The following TANC1 variants were observed in gnomAD, a reference collection of about 807,000 sequenced individuals.
TANC1 encodes tetratricopeptide repeat, ankyrin repeat and coiled-coil containing 1, also known as protein TANC1.
In TANC1, 77 loss-of-function variants were observed where a neutral mutation model predicts 149.7. The ratio of observed to expected loss-of-function variants is 0.51; its 90% CI spans 0.43 to 0.62. The LOEUF is 0.62. TANC1 is among the 20% of genes least tolerant of loss of function. The probability of loss-of-function intolerance (pLI) is 0.00; values close to 1 mark genes in which losing one functional copy is unlikely to be tolerated. For synonymous variants in TANC1, 854 were observed against 925.0 expected (o/e 0.92, Z 1.39); for missense variants, 1,985 against 2,321.8 (o/e 0.85, Z 2.98).
chr2:159,150,793 A>G (rs372493381), intron 7 of TANC1: 4 of 416,828 alleles, frequency 9.6e-6, no homozygotes, highest in Non-Finnish European at 1.7e-5. Context: ...AAAAAAAAAA[A>G]GGAATTCCAG....
At chr2:159,020,852 G>A (rs1371987341) in intron 2 of TANC1, among the ~76,000 whole-genome samples, 2 of 151,938 alleles carry the variant, frequency 1.3e-5, no homozygotes, top group African/African-American at 2.4e-5. Flanking sequence ...CACACCTGTG[G>A]TGTGGGGCAG....
At chr2:159,151,764 C>T (rs946983878) in intron 7 of TANC1, among the ~76,000 whole-genome samples, 5 of 152,144 alleles carry the variant, frequency 3.3e-5, no homozygotes, top group African/African-American at 1.2e-4. Context: ...TTAAGGAAGG[C>T]GGCTTCTTGC....
At chr2:159,225,277 G>A in intron 23 of TANC1, 1 of 253,572 alleles carries the variant, frequency 3.9e-6, no homozygotes. Flanking sequence ...GGGTAGGAGA[G>A]AGAAGCCATG....
chr2:159,178,562 A>T lies in TANC1; in HGVS notation c.1909A>T (p.Ile637Leu), dbSNP rs772366751. 6 of 1,562,412 alleles carry T rather than the reference A, an allele frequency of 3.8e-6. No homozygotes were observed. Among genetic ancestry groups the T allele is most frequent in the Non-Finnish European group, 5.2e-6 (6 of 1,156,336 alleles). ...VTVRANFQEI[I>L]SALPFVKLSL... ...TTTTTGTTTTCTCCCCCAGGAAATC[A>T]TAAGTGCGCTGCCATTTGTCAAGCT... The change falls in exon 14 of 27, where the codon ATA becomes TTA. Residue 637 changes from isoleucine to leucine, a missense_variant. By Grantham distance (5) the Ile-to-Leu change is conservative. Coordinates refer to ENST00000263635, the MANE Select transcript of TANC1 (RefSeq NM_033394.3).
rs557357250 is a variant in TANC1 at position 159,111,754 on chromosome 2, C to G, written c.259+13920C>G. Among the ~76,000 whole-genome samples the G allele has an allele frequency of 3.3e-5, 5 of 152,292 alleles. No individual in the cohort carries two copies. The South Asian group carries it at 1.0e-3, about 32-fold the overall frequency. On this transcript the variant is annotated intron_variant, in intron 4 of 26. Coordinates refer to ENST00000263635, the MANE Select transcript of TANC1 (RefSeq NM_033394.3). The stretch of plus-strand genomic sequence containing the variant: ...AAGTGAGGTCATTGTGCCCTGGTCA[C>G]AACTGCACCATGATGCCAGATGGAG...
intron 2 of TANC1, among the ~76,000 whole-genome samples, chr2:159,011,555 A>T (rs946049227): frequency 2.2e-5 from 3 of 136,174 alleles, no homozygotes; most frequent in Non-Finnish European, 3.1e-5. Flanking sequence ...TTTTTTGCCA[A>T]GACAAGGTCT....
At position 158,991,339 on chromosome 2, in the gene TANC1, C is replaced by T. The variant is rs569255015; in HGVS notation, c.-125-9741C>T. Reference sequence around the variant, plus strand: ...TCTGATTAAGTAAATTTTGGTACATCCATACGATAGAGTGGAATGCAGATG... The same window carrying T: ...TCTGATTAAGTAAATTTTGGTACATTCATACGATAGAGTGGAATGCAGATG... On this transcript the variant is annotated intron_variant, in intron 1 of 26. Coordinates refer to ENST00000263635, the MANE Select transcript of TANC1 (RefSeq NM_033394.3). Among the ~76,000 whole-genome samples the T allele has an allele frequency of 5.9e-5, 9 of 152,092 alleles. No individual in the cohort carries two copies. In the South Asian group the frequency reaches 1.9e-3, roughly 32 times the overall value.
At chr2:159,086,906 A>AT (rs950247326) in intron 3 of TANC1, among the ~76,000 whole-genome samples, 256 of 136,260 alleles carry the variant, frequency 1.9e-3, no homozygotes, top group Middle Eastern at 0.011. Flanking sequence ...TGGTAAACTG[A>AT]TTTTTTTTTT....
intron 5 of TANC1, chr2:159,148,584 G>A (rs913726497): frequency 6.6e-6 from 1 of 152,232 alleles, no homozygotes; most frequent in African/African-American, 2.4e-5. Context: ...GATTCTTCAC[G>A]ATTGACCGTC....
At position 159,176,523 on chromosome 2, in the gene TANC1, C is replaced by G; in HGVS notation, c.1902+5C>G. 1 of 1,583,440 alleles carries G rather than the reference C, an allele frequency of 6.3e-7. No individual in the cohort carries two copies. The highest frequency in any genetic ancestry group is 1.4e-5 in the African/African-American group (1 of 73,382). ...ACTGTAAGAGCAAATTTTCAGGTAA[C>G]AAAGAATTCTCAAATCTTTCTCCAA... On this transcript the variant is annotated splice_donor_5th_base_variant and intron_variant, in intron 13 of 26. Coordinates refer to ENST00000263635, the MANE Select transcript of TANC1 (RefSeq NM_033394.3).
intron 19 of TANC1, among the ~76,000 whole-genome samples, chr2:159,199,623 A>G (rs2058103355): frequency 6.6e-6 from 1 of 152,234 alleles, no homozygotes; most frequent in Admixed American, 6.5e-5. Context: ...TGAGCTGGTT[A>G]CTTGTGAGAC....
chr2:158,981,593 G>C (rs1156788346), intron 1 of TANC1, among the ~76,000 whole-genome samples: 1 of 140,850 alleles, frequency 7.1e-6, no homozygotes, highest in Non-Finnish European at 1.5e-5. Flanking sequence ...GTATATCAAA[G>C]GGATGCAAGT....
chr2:159,035,424 A>C (rs1427901138), intron 2 of TANC1, among the ~76,000 whole-genome samples: 1 of 152,228 alleles, frequency 6.6e-6, no homozygotes, highest in South Asian at 2.1e-4. Flanking sequence ...TGGGTTGTGC[A>C]TTGAAAAAGG....
At chr2:159,166,442 A>G (rs1393585394) in intron 8 of TANC1, among the ~76,000 whole-genome samples, 1 of 152,122 alleles carries the variant, frequency 6.6e-6, no homozygotes, top group Non-Finnish European at 1.5e-5. Context: ...ACATCTTGAA[A>G]TGTGCTTCTT....
chr2:159,125,870 G>A (rs1429080096), intron 4 of TANC1, among the ~76,000 whole-genome samples: 2 of 152,160 alleles, frequency 1.3e-5, no homozygotes, highest in Non-Finnish European at 2.9e-5. Flanking sequence ...TTACAGGCGT[G>A]AGCTGTTGAG....
chr2:159,026,874 A>G (rs2039385939), intron 2 of TANC1, among the ~76,000 whole-genome samples: 1 of 152,156 alleles, frequency 6.6e-6, no homozygotes, highest in African/African-American at 2.4e-5. Flanking sequence ...GCTCTGGGCC[A>G]GGGATGGGAG....
intron 1 of TANC1, among the ~76,000 whole-genome samples, chr2:158,973,314 G>A (rs1393247384): frequency 6.6e-6 from 1 of 152,140 alleles, no homozygotes; most frequent in Admixed American, 6.6e-5. Flanking sequence ...CTAGGGTTAC[G>A]TGCCAGTCAT....
intron 4 of TANC1, among the ~76,000 whole-genome samples, chr2:159,113,523 A>G (rs746584901): frequency 2.6e-5 from 4 of 152,212 alleles, no homozygotes; most frequent in Non-Finnish European, 5.9e-5. Flanking sequence ...CTCCTAGAAT[A>G]TGTTGGAAGA....
intron 3 of TANC1, among the ~76,000 whole-genome samples, chr2:159,078,383 G>A (rs943182649): frequency 1.3e-5 from 2 of 152,180 alleles, no homozygotes; most frequent in Non-Finnish European, 1.5e-5. Flanking sequence ...TCTAAGCAAG[G>A]CAAATGTGTG....
Sources: gnomAD v4.1 joint callset for allele counts (sites outside exome capture counted in the v4.1 genomes callset) on GRCh38, gnomAD v4.1.1 for gene constraint, MANE v1.5 for transcripts, NCBI Gene and HGNC (gene_info 2026-07-23, HGNC 2026-07-21) for gene names.